NEXN: variants seen among roughly 807,000 people sequenced by gnomAD.
NEXN encodes the protein nexilin.
In NEXN, 65 loss-of-function variants were observed where a neutral mutation model predicts 92.6. The ratio of observed to expected loss-of-function variants is 0.70; its 90% confidence interval spans 0.57 to 0.86. NEXN has a LOEUF of 0.86. NEXN is among the 40% of genes least tolerant of loss of function. The probability of loss-of-function intolerance (pLI) is 0.00; values close to 1 mark genes in which losing one functional copy is unlikely to be tolerated. For missense variants in NEXN, 778 were observed against 771.1 expected (o/e 1.01, Z -0.11); for synonymous variants, 254 against 242.5 (o/e 1.05, Z -0.44).
chr1:77,906,747 T>C (rs1011590853), intron 1 of NEXN, among the ~76,000 whole-genome samples: 5 of 152,070 alleles, frequency 3.3e-5, no homozygotes, highest in African/African-American at 7.2e-5. Flanking sequence ...CTTGAACTTA[T>C]GGGCTCAAGT....
intron 5 of NEXN, among the ~76,000 whole-genome samples, chr1:77,924,666 T>C (rs201283880): frequency 4.7e-3 from 133 of 28,566 alleles, no homozygotes; most frequent in Non-Finnish European, 0.01. Flanking sequence ...TGTTTTTTTT[T>C]CTTTTTTTCT....
chr1:77,941,466 A>T (rs1171623932), intron 11 of NEXN, among the ~76,000 whole-genome samples: 1 of 151,944 alleles, frequency 6.6e-6, no homozygotes, highest in Non-Finnish European at 1.5e-5. Flanking sequence ...TTACTTAGTG[A>T]TTTCCCCATG....
At chr1:77,929,251 AT>A (rs952986938) in intron 8 of NEXN, 64 bp from the exon 9 acceptor site, 1 of 1,197,176 alleles carries the variant, frequency 8.4e-7, no homozygotes, top group African/African-American at 1.5e-5. Context: ...GTGCCTTTTG[AT>A]TAATAATTCA....
chr1:77,929,559 T>G, intron 9 of NEXN, 55 bp downstream of exon 9: 2 of 1,604,120 alleles, frequency 1.2e-6, no homozygotes, highest in Non-Finnish European at 1.7e-6. Context: ...GAGAATATGT[T>G]AATAGAATCA....
chr1:77,894,308 A>G (rs781133856), intron 1 of NEXN, among the ~76,000 whole-genome samples: 5 of 152,206 alleles, frequency 3.3e-5, no homozygotes, highest in Non-Finnish European at 5.9e-5. Context: ...AGGGAAATAG[A>G]TCACTACTTC....
At chr1:77,897,256 C>T (rs1419691371) in intron 1 of NEXN, among the ~76,000 whole-genome samples, 1 of 152,120 alleles carries the variant, frequency 6.6e-6, no homozygotes, top group Non-Finnish European at 1.5e-5. Flanking sequence ...TGCAAAAATC[C>T]TCAATAAAAT....
chr1:77,893,745 C>G (rs1647158632), intron 1 of NEXN, among the ~76,000 whole-genome samples: 1 of 152,074 alleles, frequency 6.6e-6, no homozygotes, highest in Non-Finnish European at 1.5e-5. Context: ...GTATCACATA[C>G]TGTCATATAA....
At chr1:77,894,370 A>C (rs1647173721) in intron 1 of NEXN, among the ~76,000 whole-genome samples, 1 of 152,194 alleles carries the variant, frequency 6.6e-6, no homozygotes, top group Non-Finnish European at 1.5e-5. Context: ...AATGAGGTTT[A>C]TGACAGGTTT....
chr1:77,910,474 T>G (rs535678212), intron 1 of NEXN, among the ~76,000 whole-genome samples: 218 of 152,240 alleles, frequency 1.4e-3, no homozygotes, highest in Admixed American at 2.9e-3. Context: ...GTTATTAGGC[T>G]GGGCTCGGTG....
intron 10 of NEXN, among the ~76,000 whole-genome samples, chr1:77,933,889 T>C (rs1571152124): frequency 6.6e-6 from 1 of 152,272 alleles, no homozygotes; most frequent in East Asian, 1.9e-4. Context: ...TCAAATCCTT[T>C]TTGTGGTGTG....
At chr1:77,934,791 T>C (rs1307809093) in intron 10 of NEXN, among the ~76,000 whole-genome samples, 1 of 152,212 alleles carries the variant, frequency 6.6e-6, no homozygotes, top group African/African-American at 2.4e-5. Flanking sequence ...GCCTCATGAC[T>C]TGGACTGGCA....
intron 5 of NEXN, among the ~76,000 whole-genome samples, chr1:77,920,852 A>G (rs1649368452): frequency 6.6e-6 from 1 of 152,116 alleles, no homozygotes; most frequent in Admixed American, 6.6e-5. Context: ...TTGATTTGGG[A>G]AGAAGCAAAA....
chr1:77,893,046 T>C (rs1485928831), intron 1 of NEXN, among the ~76,000 whole-genome samples: 1 of 152,012 alleles, frequency 6.6e-6, no homozygotes, highest in Non-Finnish European at 1.5e-5. Context: ...TTTTAATTTT[T>C]TGTAGAGATA....
At chr1:77,939,410 T>C (rs192919301) in intron 11 of NEXN, among the ~76,000 whole-genome samples, 2 of 152,320 alleles carry the variant, frequency 1.3e-5, no homozygotes, top group East Asian at 1.9e-4. Context: ...AAGTTAATTG[T>C]TGAAAGTGAA....
At chr1:77,891,736 T>TG (rs1404437354) in intron 1 of NEXN, among the ~76,000 whole-genome samples, 1 of 112,164 alleles carries the variant, frequency 8.9e-6, no homozygotes, top group African/African-American at 3.6e-5. Context: ...TTACCAAGTG[T>TG]GGAAAAAAAG....
At chr1:77,901,076 G>C (rs1389289895) in intron 1 of NEXN, among the ~76,000 whole-genome samples, 1 of 152,152 alleles carries the variant, frequency 6.6e-6, no homozygotes, top group Non-Finnish European at 1.5e-5. Flanking sequence ...AACTTGATAT[G>C]ACTCAATTAG....
chr1:77,920,637 A>T (rs1178134217), intron 5 of NEXN, among the ~76,000 whole-genome samples: 8 of 150,390 alleles, frequency 5.3e-5, no homozygotes. Flanking sequence ...AAAAAAAAAA[A>T]AAAAATGGTG....
rs540513038 is a variant in NEXN at position 77,943,771 on chromosome 1, T to G, written c.*942T>G. ...CACAACCTTCGATTTAAAATTCTAG[T>G]CTTTAAAATGAGTTTGTAAATAATT... On this transcript the variant is annotated 3_prime_UTR_variant, in exon 13 of 13. Transcript: ENST00000334785. The G allele has an allele frequency of 2.6e-5, 4 of 152,084 alleles. No individual in the cohort carries two copies. Among genetic ancestry groups the G allele is most frequent in the Admixed American group, 2.6e-4 (4 of 15,258 alleles). 9.4% of individuals were successfully genotyped at this position (152,084 alleles called of 1,614,324 possible). A position where few individuals can be genotyped will look rare whatever the true frequency, so the allele number is the denominator to read the frequency against.
rs397517844 is a variant in NEXN at position 77,935,937 on chromosome 1, G to A, written c.1366G>A (p.Gly456Arg). The A allele has an allele frequency of 2.5e-6, 4 of 1,613,874 alleles. No individual in the cohort carries two copies. The African/African-American group carries it at 5.3e-5, about 22-fold the overall frequency. The change falls in exon 11 of 13, where the codon GGA (glycine) becomes AGA (arginine). Residue 456 changes from glycine (G) to arginine (R), a missense_variant. Gly to Arg is a moderately radical substitution (Grantham distance 125, BLOSUM62 -2). Coordinates refer to ENST00000334785, the MANE Select transcript of NEXN (RefSeq NM_144573.4). ...CCTAAAAAGCAAGTTTGAAAAAATT[G>A]GACAGTTGTCTGAAAAAGAAATACA... Reference protein sequence around the residue: ...KNLKSKFEKIGQLSEKEIQKK... With the variant: ...KNLKSKFEKIRQLSEKEIQKK...
Sources: allele counts gnomAD v4.1 joint callset (sites outside exome capture counted in the v4.1 genomes callset), GRCh38; gene constraint gnomAD v4.1.1; transcripts MANE v1.5; gene names NCBI Gene and HGNC (gene_info 2026-07-23, HGNC 2026-07-21).